ADCY1: variants seen among roughly 807,000 people sequenced by gnomAD.
The protein encoded by ADCY1 is adenylate cyclase type 1.
A neutral mutation model predicts 105.4 loss-of-function variants in ADCY1; 28 were observed. The observed-to-expected ratio is 0.27, with a 90% confidence interval of 0.20 to 0.36. ADCY1 has a LOEUF of 0.36. Ranked by LOEUF, ADCY1 falls within the 10% of genes least tolerant of loss-of-function variation. The pLI is 1.00. For missense variants in ADCY1, 977 were observed against 1,434.2 expected, an observed-to-expected ratio of 0.68 and a Z score of 5.15; for synonymous variants, 655 against 623.8, an observed-to-expected ratio of 1.05 and a Z score of -0.75.
chr7:45,615,009 C>T (rs1309763423), intron 3 of ADCY1, among the ~76,000 whole-genome samples: 3 of 152,124 alleles, frequency 2.0e-5, no homozygotes, highest in Non-Finnish European at 2.9e-5. Context: ...ATTTTAATAA[C>T]ACTATAGACT....
chr7:45,667,828 C>G (rs1784289720), intron 8 of ADCY1, among the ~76,000 whole-genome samples: 2 of 152,134 alleles, frequency 1.3e-5, no homozygotes, highest in African/African-American at 2.4e-5. Context: ...TGTAGTTCTC[C>G]TTGAAGAGGT....
chr7:45,658,042 A>G (rs1274834478), intron 6 of ADCY1, among the ~76,000 whole-genome samples, 157 bp downstream of exon 6: 1 of 151,746 alleles, frequency 6.6e-6, no homozygotes, highest in East Asian at 1.9e-4. Flanking sequence ...TGCCAACCAG[A>G]CTCCCTGTGG....
chr7:45,699,274 G>A (rs139815974), intron 14 of ADCY1, among the ~76,000 whole-genome samples: 1 of 152,302 alleles, frequency 6.6e-6, no homozygotes, highest in Non-Finnish European at 1.5e-5. Context: ...AGCACACTGA[G>A]GGCAGAACCA....
intron 14 of ADCY1, among the ~76,000 whole-genome samples, chr7:45,701,389 A>G (rs1395032990): frequency 1.3e-5 from 2 of 152,208 alleles, no homozygotes; most frequent in African/African-American, 2.4e-5. Context: ...AAATGTGGAA[A>G]TAAGCAGAAT....
chr7:45,630,999 A>G (rs751330665), intron 4 of ADCY1, among the ~76,000 whole-genome samples: 148 of 152,262 alleles, frequency 9.7e-4, no homozygotes, highest in Non-Finnish European at 1.8e-3. Context: ...AAATATGACT[A>G]TTTTGGTTGG....
At chr7:45,672,380 T>G (rs1483626599) in intron 8 of ADCY1, among the ~76,000 whole-genome samples, 1 of 152,182 alleles carries the variant, frequency 6.6e-6, no homozygotes, top group Non-Finnish European at 1.5e-5. Flanking sequence ...GTGATTCTTC[T>G]TACTTTATTG....
At chr7:45,662,802 C>T (rs1795166789) in intron 8 of ADCY1, among the ~76,000 whole-genome samples, 1 of 152,210 alleles carries the variant, frequency 6.6e-6, no homozygotes, top group Non-Finnish European at 1.5e-5. Flanking sequence ...CCTGATTCCC[C>T]ACCCCCGGAC....
At chr7:45,681,497 G>C (rs1014540883) in intron 11 of ADCY1, among the ~76,000 whole-genome samples, 8 of 152,168 alleles carry the variant, frequency 5.3e-5, no homozygotes, top group Admixed American at 2.6e-4. Context: ...AAGCAGTGGG[G>C]GTCCAGCTTT....
rs901235345 is a variant in ADCY1, at chr7:45,665,468, C to G, written c.1605+3254C>G. Among the ~76,000 whole-genome samples, 8 of 152,376 alleles carry G rather than the reference C, an allele frequency of 5.3e-5. No individual in the cohort carries two copies. The East Asian group carries it at 7.7e-4, about 15-fold the overall frequency. ...ATACCTGGCAGCACAGTTGTCTCCT[C>G]TAATAGGTACACCCAGAAGCCTCCC... On this transcript the variant is annotated intron_variant, in intron 8 of 19. Coordinates refer to ENST00000297323, the MANE Select transcript of ADCY1 (RefSeq NM_021116.4).
intron 19 of ADCY1, among the ~76,000 whole-genome samples, chr7:45,711,644 T>TATATATATATATATATACAC (rs1189707139): frequency 9.7e-5 from 5 of 51,478 alleles, no homozygotes; most frequent in East Asian, 3.8e-4. Flanking sequence ...TATATATATA[T>TATATATATATATATATACAC]ACACACACAC....
intron 1 of ADCY1, among the ~76,000 whole-genome samples, chr7:45,582,000 G>A (rs1792563034): frequency 6.6e-6 from 1 of 152,024 alleles, no homozygotes; most frequent in African/African-American, 2.4e-5. Context: ...TTGCGTGCAT[G>A]CACTTACACA....
intron 11 of ADCY1, among the ~76,000 whole-genome samples, chr7:45,683,112 T>C (rs1784593885): frequency 6.6e-6 from 1 of 152,198 alleles, no homozygotes; most frequent in African/African-American, 2.4e-5. Flanking sequence ...GTGTCCACAG[T>C]AGGGGTTGTC....
At chr7:45,609,976 G>C (rs56228800) in intron 2 of ADCY1, among the ~76,000 whole-genome samples, 1 of 152,182 alleles carries the variant, frequency 6.6e-6, no homozygotes, top group Non-Finnish European at 1.5e-5. Context: ...GACTCTGTGG[G>C]TACCTCAGGA....
Position 45,648,474 on chromosome 7 carries a change from A to G in ADCY1, c.1021-196A>G, listed in dbSNP as rs36092155. On this transcript the variant is annotated intron_variant, in intron 4 of 19. Transcript: ENST00000297323. ...TATGGGGAAAGGGAGAAGGAGATCA[A>G]TGTGAGCCTGGTCCCAGCCCTCAAG... 0.054 allele frequency among the ~76,000 whole-genome samples: 8,151 copies of G among 152,314 alleles called. 243 individuals are homozygous for G. Among genetic ancestry groups the G allele is most frequent in the African/African-American group, 0.074 (3,080 of 41,566 alleles).
rs1358881703 is a variant in ADCY1, at chr7:45,684,797, CT to C, written c.1984-178del. The C allele has an allele frequency of 2.1e-4, 109 of 515,166 alleles. 1 individual carries two copies. The highest frequency in any genetic ancestry group is 1.9e-3 in the African/African-American group (102 of 52,636). 31.9% of individuals were successfully genotyped at this position (515,166 alleles called of 1,614,324 possible). On this transcript the variant is annotated intron_variant, in intron 11 of 19. Transcript: ENST00000297323. ...GGTTTCTTTTTTTAACTTTGGCAAGCTTTTCACCTGGGAGAATAAACAAATG... is the reference window on the plus strand; with the variant it reads ...GGTTTCTTTTTTTAACTTTGGCAAGCTTTCACCTGGGAGAATAAACAAATG...
intron 8 of ADCY1, 139 bp downstream of exon 8, chr7:45,662,353 A>T: frequency 1.1e-6 from 1 of 951,382 alleles, no homozygotes; most frequent in Non-Finnish European, 1.5e-6. Flanking sequence ...AATGCTGCTC[A>T]GAGCTGAGCT....
chr7:45,656,196 G>A (rs914568274), intron 5 of ADCY1, among the ~76,000 whole-genome samples: 44 of 151,968 alleles, frequency 2.9e-4, no homozygotes, highest in Admixed American at 5.9e-4. Flanking sequence ...CCAGCTACTC[G>A]GGAGACTGAG....
chr7:45,593,422 G>T (rs1792983385), intron 2 of ADCY1, among the ~76,000 whole-genome samples: 1 of 152,188 alleles, frequency 6.6e-6, no homozygotes, highest in Admixed American at 6.5e-5. Flanking sequence ...TCCTCCAGTG[G>T]CCGGCATCAC....
At chr7:45,630,890 T>TG in intron 4 of ADCY1, among the ~76,000 whole-genome samples, 1 of 152,172 alleles carries the variant, frequency 6.6e-6, no homozygotes. Flanking sequence ...TGGGTATCTC[T>TG]GGGGGTCTCG....
Sources: gnomAD v4.1 joint callset for allele counts (sites outside exome capture counted in the v4.1 genomes callset) on GRCh38, gnomAD v4.1.1 for gene constraint, MANE v1.5 for transcripts, NCBI Gene and HGNC (gene_info 2026-07-23, HGNC 2026-07-21) for gene names.